Variants in CRTAC1 observed in about 807,000 individuals in gnomAD.
The protein encoded by CRTAC1 is acidic secreted protein in cartilage.
Under a neutral mutation model 67.8 loss-of-function variants are expected in CRTAC1, and 37 were observed. That is an observed-to-expected ratio of 0.55 (90% CI 0.42 to 0.72). The LOEUF (loss-of-function observed/expected upper bound fraction) is 0.72. CRTAC1 is among the 30% of genes least tolerant of loss of function. The pLI is 0.00. For missense variants in CRTAC1, 780 were observed against 931.6 expected, an observed-to-expected ratio of 0.84 and a Z score of 2.12; for synonymous variants, 348 against 371.0, an observed-to-expected ratio of 0.94 and a Z score of 0.71.
chr10:98,018,406 A>G (rs1843046484), intron 1 of CRTAC1, among the ~76,000 whole-genome samples: 1 of 152,016 alleles, frequency 6.6e-6, no homozygotes, highest in African/African-American at 2.4e-5. Flanking sequence ...TAAGTGAGTG[A>G]CAGGGAAGGC....
intron 5 of CRTAC1, among the ~76,000 whole-genome samples, chr10:97,916,364 T>TG (rs1236704326): frequency 1.3e-5 from 2 of 152,216 alleles, no homozygotes; most frequent in African/African-American, 4.8e-5. Context: ...GGCACTTAGA[T>TG]GGGGCTTGAG....
At chr10:97,889,205 G>A (rs1484290460) in intron 11 of CRTAC1, among the ~76,000 whole-genome samples, 11 of 151,972 alleles carry the variant, frequency 7.2e-5, no homozygotes, top group African/African-American at 1.9e-4. Context: ...TGGAGCTGGC[G>A]GAGGCAAATA....
intron 4 of CRTAC1, among the ~76,000 whole-genome samples, chr10:97,918,753 G>T (rs1438646003): frequency 6.6e-6 from 1 of 151,752 alleles, no homozygotes; most frequent in African/African-American, 2.4e-5. Flanking sequence ...CCACCTAACT[G>T]GTCAGTGACT....
intron 11 of CRTAC1, among the ~76,000 whole-genome samples, chr10:97,891,312 A>G (rs574953831): frequency 5.3e-5 from 8 of 152,356 alleles, no homozygotes; most frequent in Non-Finnish European, 8.8e-5. Flanking sequence ...TTTCCCAAAC[A>G]TTCCCGTTCT....
At chr10:97,949,323 C>T (rs542483738) in intron 2 of CRTAC1, among the ~76,000 whole-genome samples, 1 of 152,308 alleles carries the variant, frequency 6.6e-6, no homozygotes, top group African/African-American at 2.4e-5. Flanking sequence ...ACAGAGAAGA[C>T]AGACCCTGCA....
chr10:97,958,198 C>A (rs999335859), intron 2 of CRTAC1, among the ~76,000 whole-genome samples: 4 of 152,184 alleles, frequency 2.6e-5, no homozygotes, highest in Non-Finnish European at 5.9e-5. Context: ...CTCCCTCAGC[C>A]CCAGGGCTCC....
intron 1 of CRTAC1, among the ~76,000 whole-genome samples, chr10:98,021,017 A>G (rs963167095): frequency 2.9e-5 from 4 of 137,276 alleles, no homozygotes; most frequent in Non-Finnish European, 4.5e-5. Context: ...TCACTCATTC[A>G]TTCATTCATT....
intron 1 of CRTAC1, among the ~76,000 whole-genome samples, chr10:98,017,245 T>A (rs1843017035): frequency 6.6e-6 from 1 of 152,124 alleles, no homozygotes; most frequent in African/African-American, 2.4e-5. Flanking sequence ...AAACCCAGCC[T>A]TTGCCTTCAA....
chr10:98,024,096 C>T (rs190561599), intron 1 of CRTAC1, among the ~76,000 whole-genome samples: 117 of 152,334 alleles, frequency 7.7e-4, no homozygotes, highest in African/African-American at 2.6e-3. Context: ...GAATCTCCAC[C>T]GAGGTGGCTG....
chr10:98,020,045 C>T (rs1843084633), intron 1 of CRTAC1, among the ~76,000 whole-genome samples: 1 of 152,218 alleles, frequency 6.6e-6, no homozygotes, highest in South Asian at 2.1e-4. Flanking sequence ...AAATCTCTCT[C>T]AATCCTGCTC....
At chr10:97,867,741 AG>A (rs2050045572) in intron 14 of CRTAC1, 1 of 150,526 alleles carries the variant, frequency 6.6e-6, no homozygotes, top group Non-Finnish European at 1.5e-5. Flanking sequence ...GAACTTGCCC[AG>A]CGTGAAGCTC....
At chr10:98,002,179 G>T (rs545894204) in intron 2 of CRTAC1, among the ~76,000 whole-genome samples, 3 of 152,284 alleles carry the variant, frequency 2.0e-5, no homozygotes, top group Admixed American at 2.0e-4. Flanking sequence ...TGGAGACAGG[G>T]CATACGTCTA....
At chr10:97,946,449 G>A (rs1251340109) in intron 2 of CRTAC1, among the ~76,000 whole-genome samples, 1 of 152,140 alleles carries the variant, frequency 6.6e-6, no homozygotes, top group Non-Finnish European at 1.5e-5. Flanking sequence ...CAGGACCAGA[G>A]GGGAGATTGT....
intron 5 of CRTAC1, among the ~76,000 whole-genome samples, chr10:97,912,771 G>A (rs1363377764): frequency 1.3e-5 from 2 of 152,144 alleles, no homozygotes; most frequent in African/African-American, 4.8e-5. Flanking sequence ...TCAGGATCAC[G>A]GGAAGCATGC....
intron 2 of CRTAC1, among the ~76,000 whole-genome samples, chr10:97,998,338 A>G (rs544642363): frequency 6.6e-6 from 1 of 152,300 alleles, no homozygotes; most frequent in South Asian, 2.1e-4. Flanking sequence ...GAATCCTCCA[A>G]TTTGGGAAGC....
chr10:97,950,242 CACACAGAGAGAGAG>C (rs1207230189), intron 2 of CRTAC1, among the ~76,000 whole-genome samples: 2 of 117,506 alleles, frequency 1.7e-5, no homozygotes, highest in African/African-American at 6.3e-5. Flanking sequence ...TGCACACACA[CACACAGAGAGAGAG>C]AGAGAGAGAG....
Position 97,936,158 on chromosome 10 carries a change from C to T in CRTAC1, c.421+12G>A, listed in dbSNP as rs1445146765. 6.9e-6 allele frequency: 11 copies of T among 1,590,366 alleles called. No homozygotes were observed. The highest frequency in any genetic ancestry group is 9.5e-6 in the Non-Finnish European group (11 of 1,163,886). Reference sequence around the variant, plus strand: ...ATGGGAAGCAGGAAGAGGCCTGAGCCCCAGCCCTTACCCGAGAAGGCATTA... The same window carrying T: ...ATGGGAAGCAGGAAGAGGCCTGAGCTCCAGCCCTTACCCGAGAAGGCATTA... On this transcript the variant is annotated intron_variant, in intron 3 of 14. Coordinates refer to ENST00000370597, the MANE Select transcript of CRTAC1 (RefSeq NM_018058.7).
intron 2 of CRTAC1, among the ~76,000 whole-genome samples, chr10:97,977,176 C>T (rs771860233): frequency 1.3e-5 from 2 of 152,226 alleles, no homozygotes; most frequent in Admixed American, 1.3e-4. Flanking sequence ...GGGCCCCTGA[C>T]AGATAAGAGG....
At chr10:97,890,133 G>A (rs1177171054) in intron 11 of CRTAC1, among the ~76,000 whole-genome samples, 2 of 149,260 alleles carry the variant, frequency 1.3e-5, no homozygotes, top group African/African-American at 2.4e-5. Flanking sequence ...ACACGTGTAT[G>A]TAAGACAGGC....
Sources: gnomAD v4.1 joint callset for allele counts (sites outside exome capture counted in the v4.1 genomes callset) on GRCh38, gnomAD v4.1.1 for gene constraint, MANE v1.5 for transcripts, NCBI Gene and HGNC (gene_info 2026-07-23, HGNC 2026-07-21) for gene names.